The following ANKRD42 variants were observed in gnomAD, a reference collection of about 807,000 sequenced individuals.
The protein encoded by ANKRD42 is ankyrin repeat domain-containing protein 42.
A neutral mutation model predicts 51.5 loss-of-function variants in ANKRD42; 43 were observed. The ratio of observed to expected loss-of-function variants is 0.83; its 90% confidence interval spans 0.65 to 1.08. The LOEUF is 1.08. Ranked by LOEUF, ANKRD42 falls within the 50% of genes least tolerant of loss-of-function variation. The pLI, the probability that ANKRD42 is intolerant of heterozygous loss-of-function variation, is 0.00. For synonymous variants in ANKRD42, 203 were observed against 213.0 expected (o/e 0.95, Z 0.41); for missense variants, 608 against 629.3 (o/e 0.97, Z 0.36).
rs757735593 is a variant in ANKRD42, at chr11:83,211,347, T to C, written c.503T>C (p.Phe168Ser). The C allele has an allele frequency of 6.2e-7, 1 of 1,614,192 alleles. No individual in the cohort carries two copies. Among genetic ancestry groups the C allele is most frequent in the Non-Finnish European group, 8.5e-7 (1 of 1,180,018 alleles). The change falls in exon 5 of 11, where the codon TTT becomes TCT. Residue 168 changes from phenylalanine (F) to serine (S), a missense_variant. Phe to Ser is a radical substitution (Grantham distance 155). Coordinates refer to ENST00000533342, the MANE Select transcript of ANKRD42 (RefSeq NM_001300975.2). ...REWRPVHYAA[F>S]HGRLGCLQLL... The stretch of plus-strand genomic sequence containing the variant: ...TGGAGACCTGTGCATTATGCAGCTT[T>C]TCATGGGCGGCTTGGCTGCTTGCAA...
At chr11:83,241,344 T>G (rs996960892) in intron 9 of ANKRD42, among the ~76,000 whole-genome samples, 13 of 152,274 alleles carry the variant, frequency 8.5e-5, no homozygotes, top group African/African-American at 3.1e-4. Flanking sequence ...ACAAAGGAAC[T>G]TCATTCGAAT....
intron 5 of ANKRD42, chr11:83,212,971 C>G (rs1286996747): frequency 6.3e-7 from 1 of 1,593,038 alleles, no homozygotes; most frequent in East Asian, 2.2e-5. Context: ...TCGGCGCTGC[C>G]TACGGAGGTG....
chr11:83,216,546 G>T (rs556311327), intron 5 of ANKRD42, among the ~76,000 whole-genome samples: 1 of 151,538 alleles, frequency 6.6e-6, no homozygotes, highest in Admixed American at 6.6e-5. Context: ...GGATGGTCTC[G>T]ATCTCCTGAC....
chr11:83,224,965 C>G lies in ANKRD42; in HGVS notation c.697C>G (p.Leu233Val). Residue 233 changes from leucine to valine, a missense_variant, in exon 6 of 11, where the codon CTG (leucine) becomes GTG (valine). By Grantham distance (32) the Leu-to-Val change is conservative. Coordinates refer to ENST00000533342, the MANE Select transcript of ANKRD42 (RefSeq NM_001300975.2). ...TTTCAATGATAATGGAGAAAATGTA[C>G]TGGATTTGGCCCAGAGGTTCTTCAA... is the stretch of plus-strand genomic sequence containing the variant. Reference protein sequence around the residue: ...KAFNDNGENVLDLAQRFFKQN... With the variant: ...KAFNDNGENVVDLAQRFFKQN... The G allele has an allele frequency of 6.2e-7, 1 of 1,613,632 alleles. No individual in the cohort carries two copies.
At chr11:83,230,671 A>G (rs1863041058) in intron 7 of ANKRD42, among the ~76,000 whole-genome samples, 1 of 150,864 alleles carries the variant, frequency 6.6e-6, no homozygotes, top group African/African-American at 2.4e-5. Flanking sequence ...ACCGCAACCT[A>G]TTTCTCCTGG....
chr11:83,220,144 G>A (rs781529236), intron 5 of ANKRD42, among the ~76,000 whole-genome samples: 15 of 152,148 alleles, frequency 9.9e-5, no homozygotes, highest in East Asian at 5.8e-4. Flanking sequence ...AGACTAAGAC[G>A]TCCGCTGAGC....
intron 1 of ANKRD42, among the ~76,000 whole-genome samples, chr11:83,195,402 C>T (rs972634256): frequency 2.0e-5 from 3 of 152,096 alleles, no homozygotes; most frequent in Middle Eastern, 3.2e-3. Flanking sequence ...CCACTGATTC[C>T]AGTAGGGGGT....
At position 83,236,422 on chromosome 11, in the gene ANKRD42, T is replaced by C. The variant is rs755322571; in HGVS notation, c.932T>C (p.Ile311Thr). ...TGAACAGCTGCTGGACAAGGCCACA[T>C]AGAGTGTTTGCAGTGGTTAATTAAA... ...PMHKAAGQGHIECLQWLIKMG... is the reference protein window; with the variant it reads ...PMHKAAGQGHTECLQWLIKMG... Residue 311 changes from isoleucine (I) to threonine (T), a missense_variant, in exon 8 of 11, where the codon ATA (isoleucine) becomes ACA (threonine). Physicochemically the swap from Ile to Thr is moderately conservative, Grantham distance 89. Coordinates refer to ENST00000533342, the MANE Select transcript of ANKRD42 (RefSeq NM_001300975.2). The C allele has an allele frequency of 8.1e-6, 13 of 1,610,664 alleles. No homozygotes were observed. The highest frequency in any genetic ancestry group is 2.5e-6 in the Non-Finnish European group (3 of 1,178,800).
chr11:83,205,083 C>T (rs11233524), intron 2 of ANKRD42, among the ~76,000 whole-genome samples: 1 of 152,280 alleles, frequency 6.6e-6, no homozygotes, highest in East Asian at 1.9e-4. Flanking sequence ...GGTACAGCCA[C>T]GTTAGAAAAC....
chr11:83,264,257 T>TA (rs1462593911), downstream of ANKRD42, among the ~76,000 whole-genome samples: 1 of 152,140 alleles, frequency 6.6e-6, no homozygotes, highest in Non-Finnish European at 1.5e-5. Flanking sequence ...TGCTTTCTAA[T>TA]AAAAAGATGT....
chr11:83,230,221 T>G (rs1863025577), intron 7 of ANKRD42, among the ~76,000 whole-genome samples: 1 of 152,022 alleles, frequency 6.6e-6, no homozygotes, highest in Non-Finnish European at 1.5e-5. Context: ...CTGGCTAATT[T>G]TTTGTATTGT....
intron 5 of ANKRD42, 49 bp from the exon 6 acceptor site, chr11:83,224,806 A>C: frequency 7.0e-7 from 1 of 1,419,978 alleles, no homozygotes; most frequent in Non-Finnish European, 9.4e-7. Flanking sequence ...TACATACATA[A>C]AAATTTTAAA....
At chr11:83,264,068 A>C (rs1430316578), downstream of ANKRD42, among the ~76,000 whole-genome samples, 1 of 152,238 alleles carries the variant, frequency 6.6e-6, no homozygotes, top group Non-Finnish European at 1.5e-5. Flanking sequence ...TGTTATATAG[A>C]AATACTAGCA....
At chr11:83,217,735 T>C (rs1862585916) in intron 5 of ANKRD42, among the ~76,000 whole-genome samples, 1 of 152,212 alleles carries the variant, frequency 6.6e-6, no homozygotes, top group Admixed American at 6.5e-5. Context: ...CTTGGCATAT[T>C]GGACATGGGT....
chr11:83,238,694 G>T (rs1863295054), intron 8 of ANKRD42, among the ~76,000 whole-genome samples: 1 of 152,104 alleles, frequency 6.6e-6, no homozygotes, highest in South Asian at 2.1e-4. Flanking sequence ...GCCAAGCATG[G>T]TGGTGCTTGC....
intron 5 of ANKRD42, among the ~76,000 whole-genome samples, chr11:83,212,383 A>G (rs1184946543): frequency 3.9e-5 from 6 of 152,094 alleles, no homozygotes; most frequent in African/African-American, 1.4e-4. Flanking sequence ...GCCTGGCCCA[A>G]CTTTTTTATT....
intron 5 of ANKRD42, among the ~76,000 whole-genome samples, chr11:83,217,372 A>T (rs1862573806): frequency 6.6e-6 from 1 of 152,180 alleles, no homozygotes; most frequent in Admixed American, 6.5e-5. Context: ...AGGGTGTGGG[A>T]CTTTTGGGCA....
In ANKRD42 at chr11:83,201,162, C is replaced by G. The variant is rs185859430; in HGVS notation, c.222+2520C>G. On this transcript the variant is annotated intron_variant, in intron 2 of 10. Coordinates refer to ENST00000533342, the MANE Select transcript of ANKRD42 (RefSeq NM_001300975.2). ...TCCGCCTCCCCTAACCCTCCACCCC[C>G]CGACAGGCCCCAGTGTGTGATGTTC... Among the ~76,000 whole-genome samples, 439 of 152,206 alleles carry G rather than the reference C, an allele frequency of 2.9e-3. 3 individuals are homozygous for G. The highest frequency in any genetic ancestry group is 0.021 in the Middle Eastern group (6 of 292).
intron 5 of ANKRD42, 92 bp downstream of exon 5, chr11:83,211,522 C>T (rs1021870735): frequency 1.4e-5 from 19 of 1,394,374 alleles, no homozygotes; most frequent in African/African-American, 1.3e-4. Flanking sequence ...GTTGGTTGAG[C>T]GTGGTGGCTT....
Sources: allele counts gnomAD v4.1 joint callset (sites outside exome capture counted in the v4.1 genomes callset), GRCh38; gene constraint gnomAD v4.1.1; transcripts MANE v1.5; gene names NCBI Gene and HGNC (gene_info 2026-07-23, HGNC 2026-07-21).